Variants in FGF7 observed in about 807,000 individuals in gnomAD.
FGF7 encodes the protein FGF-7.
Under a neutral mutation model 20.5 loss-of-function variants are expected in FGF7, and 6 were observed. The observed-to-expected ratio is 0.29, with a 90% confidence interval of 0.16 to 0.58. The LOEUF (loss-of-function observed/expected upper bound fraction) is 0.58, where lower values mean the gene tolerates loss of function less well. FGF7 is among the 20% of genes least tolerant of loss of function. The pLI, the probability that FGF7 is intolerant of heterozygous loss-of-function variation, is 0.90. For synonymous variants in FGF7, 64 were observed against 74.7 expected (o/e 0.86, Z 0.74); for missense variants, 144 against 228.8 (o/e 0.63, Z 2.39).
chr15:49,430,309 T>C (rs538142937), intron 2 of FGF7, among the ~76,000 whole-genome samples: 2 of 151,974 alleles, frequency 1.3e-5, no homozygotes, highest in South Asian at 2.1e-4. Flanking sequence ...AGTAGGGTAC[T>C]TGAAGTACAG....
chr15:49,466,417 A>C (rs2054272797), intron 2 of FGF7, among the ~76,000 whole-genome samples: 1 of 152,336 alleles, frequency 6.6e-6, no homozygotes, highest in African/African-American at 2.4e-5. Context: ...GTTTGAAGTC[A>C]AAGGATCTTC....
rs1380501239 is a variant in FGF7, at chr15:49,487,813, T to A, written c.*3309T>A. ...TAATATATTTGTGGTTGCGTTAATA[T>A]GACAATGTCTGCAATTAAACACCAG... is the stretch of plus-strand genomic sequence containing the variant. On this transcript the variant is annotated 3_prime_UTR_variant, in exon 4 of 4. Coordinates refer to ENST00000267843, the MANE Select transcript of FGF7 (RefSeq NM_002009.4). 1 of 152,004 alleles carries A rather than the reference T, an allele frequency of 6.6e-6. No homozygotes were observed. The highest frequency in any genetic ancestry group is 2.4e-5 in the African/African-American group (1 of 41,422). 9.4% of individuals were successfully genotyped at this position (152,004 alleles called of 1,614,324 possible).
At chr15:49,471,328 T>C (rs947946919) in intron 2 of FGF7, among the ~76,000 whole-genome samples, 1 of 151,478 alleles carries the variant, frequency 6.6e-6, no homozygotes, top group Non-Finnish European at 1.5e-5. Flanking sequence ...CTACTAAAAA[T>C]ACAAAAATTA....
At position 49,479,810 on chromosome 15, in the gene FGF7, C is replaced by T. The variant is rs563204702; in HGVS notation, c.287-3341C>T. On this transcript the variant is annotated intron_variant, in intron 2 of 3. Transcript: ENST00000267843. ...TGTATTTTTAGTAGAGATGGGGTTT[C>T]ACCATATTTGCCAGGCTGGTCTTGA... is the stretch of plus-strand genomic sequence containing the variant. Among the ~76,000 whole-genome samples the T allele has an allele frequency of 2.9e-3, 438 of 152,038 alleles. 7 individuals are homozygous for T. Among genetic ancestry groups the T allele is most frequent in the South Asian group, 0.026 (127 of 4,814 alleles).
At chr15:49,441,301 G>T (rs559912430) in intron 2 of FGF7, among the ~76,000 whole-genome samples, 391 of 151,870 alleles carry the variant, frequency 2.6e-3, no homozygotes, top group Non-Finnish European at 4.8e-3. Context: ...ATTTAAGTCT[G>T]CAGTGTTATA....
chr15:49,476,234 T>TTTTTG lies in FGF7; in HGVS notation c.287-6913_287-6912insGTTTT, dbSNP rs2055296651. 1.4e-5 allele frequency among the ~76,000 whole-genome samples: 2 copies of TTTTTG among 146,362 alleles called. 1 individual carries two copies. Among genetic ancestry groups the TTTTTG allele is most frequent in the Non-Finnish European group, 3.0e-5 (2 of 65,908 alleles). On this transcript the variant is annotated intron_variant, in intron 2 of 3. Transcript: ENST00000267843. ...GCTGTTTTGTTTTTTTGTTTTTGGT[T>TTTTTG]TTTTTTTTTTTGCATTTGGCATATA...
chr15:49,440,625 T>C (rs1014753217), intron 2 of FGF7, among the ~76,000 whole-genome samples: 5 of 151,760 alleles, frequency 3.3e-5, no homozygotes, highest in African/African-American at 9.7e-5. Flanking sequence ...CTTCTCTTTA[T>C]TGGGTATTAA....
At chr15:49,465,487 T>C (rs2151945273) in intron 2 of FGF7, among the ~76,000 whole-genome samples, 1 of 152,224 alleles carries the variant, frequency 6.6e-6, no homozygotes, top group East Asian at 1.9e-4. Flanking sequence ...ATAGATATGC[T>C]ATCTTACAGA....
chr15:49,434,235 G>T (rs2413943), intron 2 of FGF7, among the ~76,000 whole-genome samples: 138,239 of 151,636 alleles, frequency 0.91, 64,413 homozygotes, highest in Non-Finnish European at 1. Context: ...CATAGTTTCC[G>T]CCTTTGTTTG....
At chr15:49,443,501 T>C (rs566686040) in intron 2 of FGF7, among the ~76,000 whole-genome samples, 9 of 151,692 alleles carry the variant, frequency 5.9e-5, no homozygotes, top group African/African-American at 2.2e-4. Context: ...TTTAAGCGAA[T>C]GATACAAAAA....
intron 2 of FGF7, among the ~76,000 whole-genome samples, chr15:49,457,445 A>G (rs1567313655): frequency 6.6e-6 from 1 of 152,066 alleles, no homozygotes; most frequent in Non-Finnish European, 1.5e-5. Context: ...CCATTAACTA[A>G]AACAGGAAAA....
At chr15:49,453,290 G>T (rs2052946964) in intron 2 of FGF7, among the ~76,000 whole-genome samples, 1 of 151,530 alleles carries the variant, frequency 6.6e-6, no homozygotes, top group Admixed American at 6.6e-5. Flanking sequence ...TTTATTTTAA[G>T]ATGGGATTTC....
At chr15:49,472,173 G>A (rs1180246862) in intron 2 of FGF7, among the ~76,000 whole-genome samples, 3 of 152,192 alleles carry the variant, frequency 2.0e-5, no homozygotes, top group African/African-American at 7.2e-5. Context: ...TTGAAGTAAA[G>A]TGAAATTGGG....
chr15:49,485,164 G>T lies in FGF7; in HGVS notation c.*660G>T, dbSNP rs1567371430. On this transcript the variant is annotated 3_prime_UTR_variant, in exon 4 of 4. Transcript: ENST00000267843. Reference sequence around the variant, plus strand: ...ATTTCTAATGCTGCTCAAGTGGAAAGGGTATTGCTAAAAGGATGTTTCCAA... The same window carrying T: ...ATTTCTAATGCTGCTCAAGTGGAAATGGTATTGCTAAAAGGATGTTTCCAA... The T allele has an allele frequency of 6.6e-6, 1 of 152,300 alleles. No homozygotes were observed. The highest frequency in any genetic ancestry group is 1.5e-5 in the Non-Finnish European group (1 of 67,924). The allele number at this position is 152,300 out of a possible 1,614,324, so 9.4% of individuals were successfully genotyped here.
rs1024832320 is a variant in FGF7 at position 49,448,957 on chromosome 15, C to CT, written c.286+24382dup. 9.9e-5 allele frequency among the ~76,000 whole-genome samples: 15 copies of CT among 151,622 alleles called. 1 individual carries two copies. Among genetic ancestry groups the CT allele is most frequent in the Non-Finnish European group, 1.3e-4 (9 of 67,794 alleles). On this transcript the variant is annotated intron_variant, in intron 2 of 3. Transcript: ENST00000267843. The stretch of plus-strand genomic sequence containing the variant: ...CAGTTTAAGCCCCTTTCCTCATGCT[C>CT]TTTTTTTTGCATATGAATAATATGG...
intron 2 of FGF7, among the ~76,000 whole-genome samples, chr15:49,474,830 A>G (rs1166613440): frequency 6.6e-6 from 1 of 152,082 alleles, no homozygotes; most frequent in Non-Finnish European, 1.5e-5. Context: ...TCCGTACGAA[A>G]ATCTCACTAA....
At chr15:49,472,495 T>C (rs2054867245) in intron 2 of FGF7, among the ~76,000 whole-genome samples, 1 of 152,186 alleles carries the variant, frequency 6.6e-6, no homozygotes, top group African/African-American at 2.4e-5. Flanking sequence ...ATGGCCACAT[T>C]AAGCTGCAAA....
At chr15:49,470,183 G>C (rs2054612162) in intron 2 of FGF7, among the ~76,000 whole-genome samples, 1 of 152,112 alleles carries the variant, frequency 6.6e-6, no homozygotes, top group Non-Finnish European at 1.5e-5. Context: ...GTAAATTAAA[G>C]AGGAAGACAG....
Position 49,437,211 on chromosome 15 carries a change from T to A in FGF7, c.286+12628T>A, listed in dbSNP as rs532407027. Among the ~76,000 whole-genome samples, 334 of 151,624 alleles carry A rather than the reference T, an allele frequency of 2.2e-3. 1 individual carries two copies. Among genetic ancestry groups the A allele is most frequent in the African/African-American group, 8.0e-3 (330 of 41,470 alleles). On this transcript the variant is annotated intron_variant, in intron 2 of 3. Coordinates refer to ENST00000267843, the MANE Select transcript of FGF7 (RefSeq NM_002009.4). ...ATATATACAGTTTAATTTCAGATAA[T>A]CTCAGATAACTTAGTCATATTTAGG...
Sources: allele counts gnomAD v4.1 joint callset (sites outside exome capture counted in the v4.1 genomes callset), GRCh38; gene constraint gnomAD v4.1.1; transcripts MANE v1.5; gene names NCBI Gene and HGNC (gene_info 2026-07-23, HGNC 2026-07-21).